CTBP2: variants seen among roughly 807,000 people sequenced by gnomAD.
The protein encoded by CTBP2 is C-terminal-binding protein 2.
Under a neutral mutation model 80.3 loss-of-function variants are expected in CTBP2, and 30 were observed. The observed-to-expected ratio is 0.37, with a 90% confidence interval of 0.28 to 0.51. The LOEUF (loss-of-function observed/expected upper bound fraction) is 0.51, where lower values mean the gene tolerates loss of function less well. Ranked by LOEUF, CTBP2 falls within the 20% of genes least tolerant of loss-of-function variation. The pLI is 0.93. For synonymous variants in CTBP2, 594 were observed against 587.4 expected, an observed-to-expected ratio of 1.01 and a Z score of -0.16; for missense variants, 1,212 against 1,375.3, an observed-to-expected ratio of 0.88 and a Z score of 1.88.
chr10:125,115,408 A>G, intron 1 of CTBP2, among the ~76,000 whole-genome samples: 1 of 152,214 alleles, frequency 6.6e-6, no homozygotes, highest in African/African-American at 2.4e-5. Context: ...GGACTCTGGG[A>G]AGGGACAAGG....
intron 1 of CTBP2, among the ~76,000 whole-genome samples, chr10:125,114,423 G>T (rs1321046218): frequency 1.3e-5 from 2 of 152,080 alleles, no homozygotes; most frequent in African/African-American, 4.8e-5. Context: ...GGATTTGGGG[G>T]TGGGAGTCCC....
chr10:125,039,485 A>C (rs929919995), intron 2 of CTBP2, among the ~76,000 whole-genome samples: 2 of 152,266 alleles, frequency 1.3e-5, no homozygotes, highest in African/African-American at 4.8e-5. Flanking sequence ...AATAAATTAT[A>C]TTCCAGTGGC....
At chr10:125,150,841 C>T (rs915180992) in intron 1 of CTBP2, among the ~76,000 whole-genome samples, 2 of 150,306 alleles carry the variant, frequency 1.3e-5, no homozygotes, top group African/African-American at 2.5e-5. Flanking sequence ...TCACAACAGC[C>T]TGGCTCCTGT....
chr10:125,158,135 C>A (rs1861262566), intron 1 of CTBP2, among the ~76,000 whole-genome samples: 1 of 151,488 alleles, frequency 6.6e-6, no homozygotes, highest in African/African-American at 2.4e-5. Flanking sequence ...AGTCTCATTA[C>A]TTCAAAATAG....
intron 2 of CTBP2, among the ~76,000 whole-genome samples, chr10:125,061,089 A>G (rs1417333895): frequency 6.6e-6 from 1 of 152,212 alleles, no homozygotes; most frequent in African/African-American, 2.4e-5. Flanking sequence ...GGTATGTACC[A>G]TTTTATTTTC....
intron 3 of CTBP2, among the ~76,000 whole-genome samples, chr10:125,036,329 T>G (rs1433303790): frequency 6.6e-6 from 1 of 152,060 alleles, no homozygotes; most frequent in African/African-American, 2.4e-5. Flanking sequence ...GATTCCAGCC[T>G]AGGGACCCAC....
rs993838466 is a variant in CTBP2, at chr10:125,038,893, G to C, written c.58+104C>G. On this transcript the variant is annotated intron_variant, in intron 3 of 10. Transcript: ENST00000337195. Reference sequence around the variant, plus strand: ...TATGCAGTGTTGGAATCGGAGGAGGGACTCTGGCTTGGGGAGTGGCACAGC... The same window carrying C: ...TATGCAGTGTTGGAATCGGAGGAGGCACTCTGGCTTGGGGAGTGGCACAGC... 3 of 1,118,216 alleles carry C rather than the reference G, an allele frequency of 2.7e-6. No homozygotes were observed. The African/African-American group carries it at 4.6e-5, about 17-fold the overall frequency. 69.3% of individuals were successfully genotyped at this position (1,118,216 alleles called of 1,614,324 possible). A position where few individuals can be genotyped will look rare whatever the true frequency, so the allele number is the denominator to read the frequency against.
chr10:125,098,655 GGGGAGA>G (rs1253818964), intron 2 of CTBP2, among the ~76,000 whole-genome samples: 81 of 24,808 alleles, frequency 3.3e-3, no homozygotes, highest in African/African-American at 0.011. Context: ...AATGGGGGAG[GGGGAGA>G]GAGAGAGAGA....
At chr10:125,067,550 T>C (rs1357983544) in intron 2 of CTBP2, among the ~76,000 whole-genome samples, 2 of 152,216 alleles carry the variant, frequency 1.3e-5, no homozygotes, top group Non-Finnish European at 2.9e-5. Flanking sequence ...AAAATATCCA[T>C]TTAGAAGGGA....
Position 125,040,858 on chromosome 10 carries a change from C to T in CTBP2, c.-101-1703G>A, listed in dbSNP as rs565079205. Among the ~76,000 whole-genome samples the T allele has an allele frequency of 5.9e-5, 9 of 152,308 alleles. No individual in the cohort carries two copies. The South Asian group carries it at 1.2e-3, about 21-fold the overall frequency. On this transcript the variant is annotated intron_variant, in intron 2 of 10. Coordinates refer to the CTBP2 transcript ENST00000337195. ...TCCGAAAGATTTATGGCGATAATTA[C>T]GTGATTCTCCATAAAAGAGCTACGA...
chr10:125,094,701 A>G (rs1209387762), intron 2 of CTBP2, among the ~76,000 whole-genome samples: 1 of 152,128 alleles, frequency 6.6e-6, no homozygotes, highest in Non-Finnish European at 1.5e-5. Flanking sequence ...GCTGTTGAAC[A>G]TTGTATGATG....
At chr10:125,154,639 C>A (rs186309248) in intron 1 of CTBP2, among the ~76,000 whole-genome samples, 1 of 99,606 alleles carries the variant, frequency 1.0e-5, no homozygotes, top group East Asian at 2.1e-4. Flanking sequence ...TGGTTCTCAC[C>A]GAGTGTCGTT....
At chr10:125,139,718 C>A (rs1171066372) in intron 1 of CTBP2, among the ~76,000 whole-genome samples, 1 of 152,180 alleles carries the variant, frequency 6.6e-6, no homozygotes, top group Non-Finnish European at 1.5e-5. Flanking sequence ...GAAGCAACTT[C>A]CCCACCCAAA....
Position 124,984,727 on chromosome 10 carries a change from C to CTG in CTBP2, c.*4789_*4790dup. ...TCCATGTCACATTCCTACCAAGTCT[C>CTG]TGATCTGTTGTATGATTTTCCCTTT... On this transcript the variant is annotated 3_prime_UTR_variant, in exon 9 of 9. Transcript: ENST00000309035. 1 of 1,576,294 alleles carries CTG rather than the reference C, an allele frequency of 6.3e-7. No individual in the cohort carries two copies. The highest frequency in any genetic ancestry group is 2.2e-5 in the East Asian group (1 of 44,476).
intron 2 of CTBP2, among the ~76,000 whole-genome samples, chr10:125,051,026 C>A (rs952038471): frequency 2.9e-4 from 44 of 152,174 alleles, no homozygotes; most frequent in African/African-American, 8.7e-4. Flanking sequence ...CATCAGGGAT[C>A]CTAATTTTAC....
chr10:125,140,745 C>A (rs1451238094), intron 1 of CTBP2, among the ~76,000 whole-genome samples: 2 of 152,080 alleles, frequency 1.3e-5, no homozygotes, highest in Non-Finnish European at 1.5e-5. Flanking sequence ...ATCACTTGAA[C>A]CCAGAAGGTG....
At chr10:125,037,895 T>C (rs1020892368) in intron 3 of CTBP2, among the ~76,000 whole-genome samples, 13 of 152,222 alleles carry the variant, frequency 8.5e-5, no homozygotes, top group Admixed American at 7.9e-4. Flanking sequence ...TATATCTCTA[T>C]CTTTATCTCC....
chr10:125,025,961 GGTGT>G, intron 1 of CTBP2: 42 of 1,240,356 alleles, frequency 3.4e-5, no homozygotes, highest in Non-Finnish European at 4.1e-5. Flanking sequence ...CTTGTTTGGT[GGTGT>G]GTGTGTGTGT....
At chr10:125,023,588 T>C (rs115177963) in intron 1 of CTBP2, among the ~76,000 whole-genome samples, 5,635 of 152,230 alleles carry the variant, frequency 0.037, 136 homozygotes, top group Middle Eastern at 0.054. Flanking sequence ...CACGCGGGCC[T>C]GGAGCCCCCA....
Sources: gnomAD v4.1 joint callset for allele counts (sites outside exome capture counted in the v4.1 genomes callset) on GRCh38, gnomAD v4.1.1 for gene constraint, MANE v1.5 for transcripts, NCBI Gene and HGNC (gene_info 2026-07-23, HGNC 2026-07-21) for gene names.